The following SDC3 variants were observed in gnomAD, a reference collection of about 807,000 sequenced individuals.
The protein encoded by SDC3 is syndecan-3.
Under a neutral mutation model 24.4 loss-of-function variants are expected in SDC3, and 13 were observed. The ratio of observed to expected loss-of-function variants is 0.53; its 90% CI spans 0.35 to 0.85. The LOEUF is 0.85. SDC3 is among the 40% of genes least tolerant of loss of function. The pLI, the probability that SDC3 is intolerant of heterozygous loss-of-function variation, is 0.01. For missense variants in SDC3, 571 were observed against 584.5 expected, an observed-to-expected ratio of 0.98 and a Z score of 0.24; for synonymous variants, 295 against 260.9, an observed-to-expected ratio of 1.13 and a Z score of -1.26.
Position 30,897,855 on chromosome 1 carries a change from G to T in SDC3, c.138+10594C>A, listed in dbSNP as rs566421832. ...ATAAGGCTAAGGATTGTTTATAGATGAAACATTTGGCCGAGTGTTTTGCGA... is the reference window on the plus strand; with the variant it reads ...ATAAGGCTAAGGATTGTTTATAGATTAAACATTTGGCCGAGTGTTTTGCGA... On this transcript the variant is annotated intron_variant, in intron 1 of 4. Transcript: ENST00000339394. 3.9e-5 allele frequency among the ~76,000 whole-genome samples: 6 copies of T among 152,346 alleles called. No individual in the cohort carries two copies. The East Asian group carries it at 1.2e-3, about 29-fold the overall frequency.
rs201412371 is a variant in SDC3 at position 30,894,363 on chromosome 1, A to T, written c.138+14086T>A. Among the ~76,000 whole-genome samples the T allele has an allele frequency of 8.5e-3, 284 of 33,608 alleles. 1 individual carries two copies. The highest frequency in any genetic ancestry group is 0.036 in the South Asian group (28 of 786). 22.0% of individuals were successfully genotyped at this position (33,608 alleles called of 152,430 possible). Reference sequence around the variant, plus strand: ...TGGGGTGTGTGGATGAGTGTGTGTGAGTGTGTGTGTGGGTGAGAGTGTGAG... The same window carrying T: ...TGGGGTGTGTGGATGAGTGTGTGTGTGTGTGTGTGTGGGTGAGAGTGTGAG... On this transcript the variant is annotated intron_variant, in intron 1 of 4. Coordinates refer to ENST00000339394, the MANE Select transcript of SDC3 (RefSeq NM_014654.4).
At position 30,897,564 on chromosome 1, in the gene SDC3, C is replaced by T. The variant is rs190502069; in HGVS notation, c.138+10885G>A. Among the ~76,000 whole-genome samples the T allele has an allele frequency of 5.9e-3, 891 of 152,276 alleles. 8 individuals carry two copies. The highest frequency in any genetic ancestry group is 0.02 in the African/African-American group (834 of 41,540). On this transcript the variant is annotated intron_variant, in intron 1 of 4. Transcript: ENST00000339394. ...CCAAAGTCCCAAGAAAGGGCCTGCC[C>T]GACAACAGCCACACAAGTTCAGGTA...
Position 30,876,876 on chromosome 1 carries a change from T to C in SDC3, c.546A>G (p.Thr182=). 2 of 1,612,648 alleles carry C rather than the reference T, an allele frequency of 1.2e-6. No homozygotes were observed. Among genetic ancestry groups the C allele is most frequent in the South Asian group, 1.1e-5 (1 of 91,052 alleles). Residue 182 remains threonine (T), a synonymous_variant, in exon 3 of 5, where the codon ACA becomes ACG. Transcript: ENST00000339394. ...GDPTVATVPA[T]VATATPSTPA... is the part of the protein sequence containing the mutation. ...GGGTGCTGGGGGTGGCGGTGGCCACTGTGGCAGGCACTGTGGCCACAGTCG... is the reference window on the plus strand; with the variant it reads ...GGGTGCTGGGGGTGGCGGTGGCCACCGTGGCAGGCACTGTGGCCACAGTCG...
intron 3 of SDC3, 91 bp downstream of exon 3, chr1:30,876,461 G>T: frequency 1.8e-6 from 2 of 1,136,076 alleles, no homozygotes; most frequent in East Asian, 2.6e-5. Flanking sequence ...ATAGCCTCCT[G>T]GTCCTCAGTC....
At chr1:30,896,217 A>T (rs555849188) in intron 1 of SDC3, among the ~76,000 whole-genome samples, 2 of 152,188 alleles carry the variant, frequency 1.3e-5, no homozygotes, top group Non-Finnish European at 2.9e-5. Flanking sequence ...ACAAAGTAGC[A>T]ATGTCAGAAT....
intron 2 of SDC3, 180 bp from the exon 3 acceptor site, chr1:30,877,345 T>C (rs1557515204): frequency 5.0e-6 from 4 of 804,842 alleles, no homozygotes; most frequent in South Asian, 1.8e-5. Context: ...GGTCAGTTGC[T>C]GATGTTCCCC....
upstream of SDC3, among the ~76,000 whole-genome samples, chr1:30,908,931 C>A (rs1371823464): frequency 4.0e-5 from 6 of 151,468 alleles, no homozygotes; most frequent in Non-Finnish European, 7.4e-5. Context: ...GGGAGCCCCG[C>A]GCTGCCGAGT....
chr1:30,896,759 C>T (rs192489853), intron 1 of SDC3, among the ~76,000 whole-genome samples: 4 of 152,156 alleles, frequency 2.6e-5, no homozygotes, highest in African/African-American at 4.8e-5. Context: ...GCCAGTAGTT[C>T]GAAACCAGCC....
chr1:30,880,229 A>G (rs1330334076), intron 1 of SDC3, among the ~76,000 whole-genome samples: 1 of 151,996 alleles, frequency 6.6e-6, no homozygotes, highest in Non-Finnish European at 1.5e-5. Flanking sequence ...CAGGAGCTGC[A>G]GCTCCCCACA....
At position 30,870,149 on chromosome 1, in the gene SDC3, A is replaced by G. The variant is rs1425273403; in HGVS notation, c.*3062T>C. On this transcript the variant is annotated 3_prime_UTR_variant, in exon 5 of 5. Transcript: ENST00000339394. ...CTCCCTGTGTCCAGGGGCCCCCACCAGGAGGCCTGACAGGCGGCTTTGCCA... is the reference window on the plus strand; with the variant it reads ...CTCCCTGTGTCCAGGGGCCCCCACCGGGAGGCCTGACAGGCGGCTTTGCCA... The G allele has an allele frequency of 2.6e-6, 1 of 378,738 alleles. No individual in the cohort carries two copies. The highest frequency in any genetic ancestry group is 4.7e-6 in the Non-Finnish European group (1 of 214,178). 23.5% of individuals were successfully genotyped at this position (378,738 alleles called of 1,614,324 possible). A position where few individuals can be genotyped will look rare whatever the true frequency, so the allele number is the denominator to read the frequency against.
At chr1:30,891,891 C>T (rs537620170) in intron 1 of SDC3, among the ~76,000 whole-genome samples, 60 of 151,114 alleles carry the variant, frequency 4.0e-4, no homozygotes, top group Non-Finnish European at 7.4e-4. Context: ...AGGGAGGAGG[C>T]CTCACAGTGC....
intron 1 of SDC3, among the ~76,000 whole-genome samples, chr1:30,884,114 G>A (rs550206831): frequency 1.2e-4 from 19 of 152,228 alleles, no homozygotes; most frequent in Middle Eastern, 6.8e-3. Flanking sequence ...AGCTGCCCTG[G>A]CCAGGAAGCC....
At chr1:30,894,102 G>A (rs61778223) in intron 1 of SDC3, among the ~76,000 whole-genome samples, 18,331 of 151,800 alleles carry the variant, frequency 0.12, 1,168 homozygotes, top group South Asian at 0.16. Flanking sequence ...ACATATTTTC[G>A]TAGCTCAGAG....
chr1:30,889,132 G>A (rs1413489297), intron 1 of SDC3, among the ~76,000 whole-genome samples: 1 of 152,208 alleles, frequency 6.6e-6, no homozygotes, highest in African/African-American at 2.4e-5. Flanking sequence ...CCAGCTACGC[G>A]ACTCTGGGCA....
intron 1 of SDC3, among the ~76,000 whole-genome samples, chr1:30,893,668 T>TC (rs568169356): frequency 3.3e-5 from 5 of 150,894 alleles, no homozygotes; most frequent in South Asian, 2.1e-4. Context: ...AGAAACAGAA[T>TC]CCCCCCCAGA....
chr1:30,907,429 TTCCCCTCAGGGG>T (rs767125835), intron 1 of SDC3, among the ~76,000 whole-genome samples: 3 of 152,128 alleles, frequency 2.0e-5, no homozygotes, highest in African/African-American at 4.8e-5. Context: ...ACATGCTTGG[TTCCCCTCAGGGG>T]TCCTCGTCCT....
chr1:30,894,647 G>GT (rs1639973063), intron 1 of SDC3, among the ~76,000 whole-genome samples: 10 of 31,300 alleles, frequency 3.2e-4, no homozygotes, highest in Non-Finnish European at 5.1e-4. Flanking sequence ...GGGTGTGTGT[G>GT]GGGTGTGTGT....
In SDC3 at chr1:30,874,458, A is replaced by T; in HGVS notation, c.1001T>A (p.Val334Glu). 1 of 1,614,078 alleles carries T rather than the reference A, an allele frequency of 6.2e-7. No homozygotes were observed. The highest frequency in any genetic ancestry group is 8.5e-7 in the Non-Finnish European group (1 of 1,180,000). Residue 334 changes from valine to glutamate, a missense_variant, in exon 4 of 5, where the codon GTA becomes GAA. By Grantham distance (121) the Val-to-Glu change is moderately radical (BLOSUM62 -2). Around this residue, in one of 2 missense-constraint regions of SDC3, gnomAD observed 497 missense variants for 471.6 expected, o/e 1.05. Transcript: ENST00000339394. ...TTQPDTANEV[V>E]AVGGAAAKAS... is the part of the protein sequence containing the mutation. ...CTTGGCCGCAGCCCCTCCCACAGCT[A>T]CCACCTCATTGGCTGTGTCTGGTTG...
chr1:30,895,853 G>A (rs961753889), intron 1 of SDC3, among the ~76,000 whole-genome samples: 1 of 151,128 alleles, frequency 6.6e-6, no homozygotes, highest in Non-Finnish European at 1.5e-5. Flanking sequence ...AGTAAGAGGA[G>A]GAGGGTGGGA....
Sources: allele counts gnomAD v4.1 joint callset (sites outside exome capture counted in the v4.1 genomes callset), GRCh38; gene constraint gnomAD v4.1.1; regional missense constraint gnomAD v4.1.1; transcripts MANE v1.5; gene names NCBI Gene and HGNC (gene_info 2026-07-23, HGNC 2026-07-21).